PHLPP1: variants seen among roughly 807,000 people sequenced by gnomAD.
PHLPP1 encodes PH domain leucine-rich repeat-containing protein phosphatase 1.
Under a neutral mutation model 117.2 loss-of-function variants are expected in PHLPP1, and 42 were observed. The ratio of observed to expected loss-of-function variants is 0.36; its 90% CI spans 0.28 to 0.46. The LOEUF is 0.46. Ranked by LOEUF, PHLPP1 falls within the 20% of genes least tolerant of loss-of-function variation. The pLI, the probability that PHLPP1 is intolerant of heterozygous loss-of-function variation, is 1.00. For missense variants in PHLPP1, 2,084 were observed against 2,241.9 expected (o/e 0.93, Z 1.42); for synonymous variants, 1,042 against 970.7 (o/e 1.07, Z -1.37).
chr18:62,867,816 GA>G (rs1915803978), intron 4 of PHLPP1, among the ~76,000 whole-genome samples: 1 of 151,724 alleles, frequency 6.6e-6, no homozygotes, highest in Non-Finnish European at 1.5e-5. Context: ...TTAGTATGTG[GA>G]TTTTTTTTTT....
At chr18:62,805,716 A>G (rs1913930894) in intron 1 of PHLPP1, among the ~76,000 whole-genome samples, 1 of 152,022 alleles carries the variant, frequency 6.6e-6, no homozygotes, top group Non-Finnish European at 1.5e-5. Flanking sequence ...GTTTTAATGT[A>G]TTCTGTGTCT....
At chr18:62,948,704 G>A (rs1174332226) in intron 12 of PHLPP1, among the ~76,000 whole-genome samples, 14 of 151,384 alleles carry the variant, frequency 9.2e-5, no homozygotes, top group Admixed American at 2.0e-4. Flanking sequence ...AAGTTTTAGG[G>A]TACGTGTGCA....
At chr18:62,778,517 T>G (rs550512125) in intron 1 of PHLPP1, among the ~76,000 whole-genome samples, 1 of 152,368 alleles carries the variant, frequency 6.6e-6, no homozygotes, top group South Asian at 2.1e-4. Flanking sequence ...AATAAATTCA[T>G]TATTCTGAAC....
At chr18:62,927,583 TGAG>T (rs1909673382) in intron 10 of PHLPP1, among the ~76,000 whole-genome samples, 1 of 151,842 alleles carries the variant, frequency 6.6e-6, no homozygotes, top group Non-Finnish European at 1.5e-5. Flanking sequence ...ATCTGAGAAA[TGAG>T]GAGTAATTAC....
At chr18:62,721,589 A>T (rs752928963) in intron 1 of PHLPP1, among the ~76,000 whole-genome samples, 39 of 152,206 alleles carry the variant, frequency 2.6e-4, no homozygotes, top group Non-Finnish European at 4.6e-4. Context: ...TCTTGATGTT[A>T]TTGTGCTCTT....
intron 9 of PHLPP1, among the ~76,000 whole-genome samples, chr18:62,916,694 C>T (rs1360612155): frequency 2.8e-5 from 4 of 144,648 alleles, no homozygotes; most frequent in South Asian, 2.2e-4. Context: ...AAAAATAATT[C>T]GTTGAAAAAA....
At position 62,975,425 on chromosome 18, in the gene PHLPP1, G is replaced by A. The variant is rs759420494; in HGVS notation, c.3784G>A (p.Gly1262Ser). The change falls in exon 16 of 17, where the codon GGT (glycine) becomes AGT (serine). Residue 1262 changes from glycine (G) to serine (S), a missense_variant. Physicochemically the swap from Gly to Ser is moderately conservative, Grantham distance 56. This residue lies in a region of PHLPP1 where 1,365 missense variants were observed against 1,605.9 expected (regional missense o/e 0.85). Transcript: ENST00000262719. ...RKLGTAGQKL[G>S]GAAVLCHIKH... ...ACTTGGAACTGCTGGGCAGAAGCTT[G>A]GTGGTGCCGCTGTCCTTTGTCATAT... 2 of 1,613,634 alleles carry A rather than the reference G, an allele frequency of 1.2e-6. No homozygotes were observed. The highest frequency in any genetic ancestry group is 2.2e-5 in the South Asian group (2 of 91,074).
In PHLPP1 at chr18:62,849,828, A is replaced by ATAT. The variant is rs1297336371; in HGVS notation, c.1900-10607_1900-10606insTAT. ...AAAAAAAAAAAAAAAAAAAAAAAAA[A>ATAT]AAAAATATATATATCCTTTAAAGTT... On this transcript the variant is annotated intron_variant, in intron 3 of 16. Coordinates refer to ENST00000262719, the MANE Select transcript of PHLPP1 (RefSeq NM_194449.4). Among the ~76,000 whole-genome samples, 147 of 26,080 alleles carry ATAT rather than the reference A, an allele frequency of 5.6e-3. 5 individuals carry two copies. Among genetic ancestry groups the ATAT allele is most frequent in the African/African-American group, 0.016 (118 of 7,314 alleles). 17.1% of individuals were successfully genotyped at this position (26,080 alleles called of 152,430 possible).
In PHLPP1 at chr18:62,838,870, T is replaced by G; in HGVS notation, c.1860T>G (p.Thr620=). Residue 620 remains threonine (T), a synonymous_variant, in exon 3 of 17, where the codon ACT becomes ACG. Transcript: ENST00000262719. The stretch of plus-strand genomic sequence containing the variant: ...AGACTTACTACATTTGCTTTGATAC[T>G]TTCACAGAATACTTAAGGTGGCTGC... ...QSQTYYICFD[T]FTEYLRWLRQ... The G allele has an allele frequency of 6.2e-7, 1 of 1,613,906 alleles. No homozygotes were observed. The highest frequency in any genetic ancestry group is 8.5e-7 in the Non-Finnish European group (1 of 1,179,818).
chr18:62,842,522 G>A (rs564302450), intron 3 of PHLPP1, among the ~76,000 whole-genome samples: 34 of 151,528 alleles, frequency 2.2e-4, no homozygotes, highest in Non-Finnish European at 2.9e-4. Flanking sequence ...CCACCATGCC[G>A]GGCTAATTTT....
At chr18:62,793,280 A>T (rs1312698104) in intron 1 of PHLPP1, among the ~76,000 whole-genome samples, 1 of 152,368 alleles carries the variant, frequency 6.6e-6, no homozygotes, top group Non-Finnish European at 1.5e-5. Context: ...TTTGCATAGA[A>T]AATCCATTCT....
chr18:62,745,648 G>A (rs867206062), intron 1 of PHLPP1, among the ~76,000 whole-genome samples: 4 of 152,234 alleles, frequency 2.6e-5, no homozygotes, highest in South Asian at 4.1e-4. Flanking sequence ...TAGTACCACC[G>A]TTCTGTATTT....
At chr18:62,860,371 T>G (rs915847200) in intron 3 of PHLPP1, 64 bp from the exon 4 acceptor site, 3 of 1,341,342 alleles carry the variant, frequency 2.2e-6, no homozygotes, top group African/African-American at 2.9e-5. Context: ...ATCTTATTTC[T>G]ATCCATAGAA....
At chr18:62,793,280 A>G (rs1312698104) in intron 1 of PHLPP1, among the ~76,000 whole-genome samples, 1 of 152,250 alleles carries the variant, frequency 6.6e-6, no homozygotes, top group African/African-American at 2.4e-5. Flanking sequence ...TTTGCATAGA[A>G]AATCCATTCT....
chr18:62,893,640 T>C (rs997837778), intron 4 of PHLPP1, among the ~76,000 whole-genome samples: 2 of 152,182 alleles, frequency 1.3e-5, no homozygotes, highest in East Asian at 1.9e-4. Context: ...TTTTAGAGTG[T>C]GTGTGTCTCT....
intron 12 of PHLPP1, among the ~76,000 whole-genome samples, chr18:62,947,989 C>T (rs977053728): frequency 2.6e-5 from 4 of 151,694 alleles, no homozygotes; most frequent in African/African-American, 9.7e-5. Flanking sequence ...TGCGCCACTG[C>T]ACTCCAGCCT....
chr18:62,717,305 G>A, intron 1 of PHLPP1, 46 bp downstream of exon 1: 2 of 1,522,140 alleles, frequency 1.3e-6, no homozygotes, highest in Non-Finnish European at 1.8e-6. Flanking sequence ...AAGCTGCCGA[G>A]GACCGAGGAG....
intron 4 of PHLPP1, among the ~76,000 whole-genome samples, chr18:62,885,720 G>A (rs906425107): frequency 6.6e-6 from 1 of 152,148 alleles, no homozygotes; most frequent in Non-Finnish European, 1.5e-5. Context: ...TAGGGAAGTT[G>A]GATGCATGAA....
rs190368903 is a variant in PHLPP1, at chr18:62,806,561, T to C, written c.1577-23474T>C. ...ATATTTTTGAGAAAACTCGTTTCTT[T>C]TGAGAGATAGATAAAACTGTACTCC... On this transcript the variant is annotated intron_variant, in intron 1 of 16. Transcript: ENST00000262719. 1.1e-4 allele frequency among the ~76,000 whole-genome samples: 16 copies of C among 152,284 alleles called. No homozygotes were observed. In the East Asian group the frequency reaches 3.1e-3, roughly 29 times the overall value.
Sources: gnomAD v4.1 joint callset for allele counts (sites outside exome capture counted in the v4.1 genomes callset) on GRCh38, gnomAD v4.1.1 for gene constraint, gnomAD v4.1.1 regional missense constraint, MANE v1.5 for transcripts, NCBI Gene and HGNC (gene_info 2026-07-23, HGNC 2026-07-21) for gene names.